Variants in MED21 observed in about 807,000 individuals in gnomAD.
MED21 encodes mediator of RNA polymerase II transcription subunit 21.
A neutral mutation model predicts 18.2 loss-of-function variants in MED21; 9 were observed. The ratio of observed to expected loss-of-function variants is 0.49; its 90% CI spans 0.30 to 0.86. The LOEUF (loss-of-function observed/expected upper bound fraction) is 0.86, where lower values mean the gene tolerates loss of function less well. MED21 is among the 40% of genes least tolerant of loss of function. MED21 has a pLI of 0.07. For missense variants in MED21, 150 were observed against 170.9 expected, an observed-to-expected ratio of 0.88 and a Z score of 0.68; for synonymous variants, 73 against 60.5, an observed-to-expected ratio of 1.21 and a Z score of -0.96.
At position 27,027,431 on chromosome 12, in the gene MED21, C is replaced by A. The variant is rs770457332; in HGVS notation, c.242C>A (p.Ser81Tyr). The stretch of plus-strand genomic sequence containing the variant: ...ATAGATTCCTTACCCAGTGAAGAAT[C>A]TACAGCTGCTTTACAGGTAAGCCTC... ...VLIDSLPSEE[S>Y]TAALQAASLY... Residue 81 changes from serine (S) to tyrosine (Y), a missense_variant, in exon 3 of 4, where the codon TCT becomes TAT. Ser to Tyr is a moderately radical substitution (Grantham distance 144). Transcript: ENST00000282892. 3 of 1,612,474 alleles carry A rather than the reference C, an allele frequency of 1.9e-6. No individual in the cohort carries two copies. Among genetic ancestry groups the A allele is most frequent in the Non-Finnish European group, 2.5e-6 (3 of 1,178,900 alleles).
Position 27,029,063 on chromosome 12 carries a change from C to G in MED21, c.*602C>G. 1 of 985,446 alleles carries G rather than the reference C, an allele frequency of 1.0e-6. No homozygotes were observed. Among genetic ancestry groups the G allele is most frequent in the Non-Finnish European group, 1.2e-6 (1 of 829,918 alleles). The allele number at this position is 985,446 out of a possible 1,614,324, so 61.0% of individuals were successfully genotyped here. A position where few individuals can be genotyped will look rare whatever the true frequency, so the allele number is the denominator to read the frequency against. The stretch of plus-strand genomic sequence containing the variant: ...CACGTTTATTTTACCAAGAGATCCT[C>G]TGTCAAGAGAATTTCCTGGCTGTTG... On this transcript the variant is annotated 3_prime_UTR_variant, in exon 4 of 4. Coordinates refer to ENST00000282892, the MANE Select transcript of MED21 (RefSeq NM_004264.5).
chr12:27,036,460 A>G (rs138329233), intron 2 of MED21, among the ~76,000 whole-genome samples: 16,418 of 152,158 alleles, frequency 0.11, 1,240 homozygotes, highest in Non-Finnish European at 0.16. Flanking sequence ...CCATTTGTCA[A>G]TTTTGGCTTT....
downstream of MED21, chr12:27,030,818 T>C (rs568461718): frequency 1.3e-5 from 2 of 152,364 alleles, no homozygotes; most frequent in South Asian, 2.1e-4. Flanking sequence ...CTGCCAGTTA[T>C]GGTAACCAAA....
chr12:27,037,086 T>A (rs1941654246), intron 2 of MED21: 1 of 152,016 alleles, frequency 6.6e-6, no homozygotes, highest in Admixed American at 6.5e-5. Context: ...GGAATGTTCT[T>A]CCATTTGTTT....
intron 3 of MED21, 46 bp from the exon 4 acceptor site, chr12:27,028,239 T>G (rs1408931968): frequency 2.7e-6 from 4 of 1,507,756 alleles, no homozygotes; most frequent in Admixed American, 3.9e-5. Flanking sequence ...CTGTGACAGC[T>G]TCTCTTTCTA....
chr12:27,032,749 C>G (rs1461846949), downstream of MED21, among the ~76,000 whole-genome samples: 2 of 152,174 alleles, frequency 1.3e-5, no homozygotes, highest in African/African-American at 4.8e-5. Flanking sequence ...TTCTTTGCCT[C>G]AAAATAATTA....
chr12:27,027,148 C>G (rs982285972), intron 2 of MED21, among the ~76,000 whole-genome samples, 199 bp from the exon 3 acceptor site: 1 of 152,116 alleles, frequency 6.6e-6, no homozygotes, highest in African/African-American at 2.4e-5. Context: ...AGGCTGGTCT[C>G]AAACTCCTGA....
Position 27,027,444 on chromosome 12 carries a change from A to G in MED21, c.255A>G (p.Leu85=). Residue 85 remains leucine (L), a synonymous_variant, in exon 3 of 4, where the codon TTA becomes TTG. Coordinates refer to ENST00000282892, the MANE Select transcript of MED21 (RefSeq NM_004264.5). ...SLPSEESTAA[L]QAASLYKLEE... ...CCAGTGAAGAATCTACAGCTGCTTT[A>G]CAGGTAAGCCTCTATTCCTTTGAGA... 6.2e-7 allele frequency: 1 copy of G among 1,609,482 alleles called. No individual in the cohort carries two copies. Among genetic ancestry groups the G allele is most frequent in the Non-Finnish European group, 8.5e-7 (1 of 1,176,470 alleles).
At chr12:27,038,868 G>A (rs928200684) in intron 2 of MED21, 1 of 148,842 alleles carries the variant, frequency 6.7e-6, no homozygotes, top group African/African-American at 2.6e-5. Context: ...GCACAACTCT[G>A]TGAATGTACT....
chr12:27,027,079 C>T (rs958419264), intron 2 of MED21, among the ~76,000 whole-genome samples: 1 of 152,134 alleles, frequency 6.6e-6, no homozygotes, highest in Non-Finnish European at 1.5e-5. Context: ...CAGGCTCATG[C>T]CACCACGTCT....
downstream of MED21, among the ~76,000 whole-genome samples, chr12:27,033,008 C>T (rs1941629673): frequency 6.6e-6 from 1 of 152,128 alleles, no homozygotes; most frequent in South Asian, 2.1e-4. Flanking sequence ...TTTTTCTAGC[C>T]TGTTTATTCC....
At chr12:27,035,565 T>A (rs1266752535), downstream of MED21, among the ~76,000 whole-genome samples, 6 of 147,804 alleles carry the variant, frequency 4.1e-5, no homozygotes, top group Admixed American at 4.0e-4. Context: ...ATTAGGTATA[T>A]CTCCTAATGC....
chr12:27,036,044 C>T (rs937513316), intron 2 of MED21, among the ~76,000 whole-genome samples: 3 of 152,218 alleles, frequency 2.0e-5, no homozygotes, highest in African/African-American at 7.2e-5. Flanking sequence ...AACTAGTTTA[C>T]AGTCCCACCA....
At chr12:27,022,766 C>T (rs1165845136) in intron 1 of MED21, 145 bp downstream of exon 1, 1 of 1,540,162 alleles carries the variant, frequency 6.5e-7, no homozygotes. Flanking sequence ...CGGGAGGCGC[C>T]ACCGCGAACT....
intron 2 of MED21, 72 bp downstream of exon 2, chr12:27,026,606 T>C: frequency 1.0e-6 from 1 of 993,984 alleles, no homozygotes; most frequent in Non-Finnish European, 1.6e-6. Context: ...TTAGATTTCT[T>C]GAGAAATTCA....
At chr12:27,037,376 T>C (rs1941656005) in intron 2 of MED21, 2 of 152,056 alleles carry the variant, frequency 1.3e-5, no homozygotes, top group Non-Finnish European at 2.9e-5. Context: ...TACAGTCATG[T>C]CGTCTGCAAA....
In MED21 at chr12:27,030,075, G is replaced by A. The variant is rs1941598582; in HGVS notation, c.*1614G>A. 1 of 457,918 alleles carries A rather than the reference G, an allele frequency of 2.2e-6. No homozygotes were observed. The highest frequency in any genetic ancestry group is 4.8e-5 in the South Asian group (1 of 20,814). 28.4% of individuals were successfully genotyped at this position (457,918 alleles called of 1,614,324 possible). On this transcript the variant is annotated 3_prime_UTR_variant, in exon 4 of 4. Transcript: ENST00000282892. Reference sequence around the variant, plus strand: ...TAAAAATTACATTTGTTATTTGAAAGAAAAAAATTAACGTTGTTGTATGTG... The same window carrying A: ...TAAAAATTACATTTGTTATTTGAAAAAAAAAAATTAACGTTGTTGTATGTG...
In MED21 at chr12:27,030,068, T is replaced by C. The variant is rs1456116413; in HGVS notation, c.*1607T>C. The stretch of plus-strand genomic sequence containing the variant: ...GAGGTTTTAAAAATTACATTTGTTA[T>C]TTGAAAGAAAAAAATTAACGTTGTT... On this transcript the variant is annotated 3_prime_UTR_variant, in exon 4 of 4. Coordinates refer to ENST00000282892, the MANE Select transcript of MED21 (RefSeq NM_004264.5). 6.6e-6 allele frequency: 3 copies of C among 456,920 alleles called. No individual in the cohort carries two copies. Among genetic ancestry groups the C allele is most frequent in the Non-Finnish European group, 1.2e-5 (3 of 254,376 alleles). 28.3% of individuals were successfully genotyped at this position (456,920 alleles called of 1,614,324 possible). A position where few individuals can be genotyped will look rare whatever the true frequency, so the allele number is the denominator to read the frequency against.
At chr12:27,033,387 G>A (rs1349730997), downstream of MED21, among the ~76,000 whole-genome samples, 1 of 152,112 alleles carries the variant, frequency 6.6e-6, no homozygotes, top group Non-Finnish European at 1.5e-5. Flanking sequence ...TTACCTTCTT[G>A]ACCTAGTCAT....
Sources: gnomAD v4.1 joint callset for allele counts (sites outside exome capture counted in the v4.1 genomes callset) on GRCh38, gnomAD v4.1.1 for gene constraint, MANE v1.5 for transcripts, NCBI Gene and HGNC (gene_info 2026-07-23, HGNC 2026-07-21) for gene names.